The following EEFSEC variants were observed in gnomAD, a reference collection of about 807,000 sequenced individuals.
The protein encoded by EEFSEC is selenocysteine-specific elongation factor.
A neutral mutation model predicts 42.1 loss-of-function variants in EEFSEC; 43 were observed. That is an observed-to-expected ratio of 1.02 (90% CI 0.80 to 1.32). EEFSEC has a LOEUF of 1.32. Ranked by LOEUF, EEFSEC falls within the 40% of genes most tolerant of loss-of-function variation. The probability of loss-of-function intolerance (pLI) is 0.00; values close to 1 mark genes in which losing one functional copy is unlikely to be tolerated. For synonymous variants in EEFSEC, 354 were observed against 339.1 expected (o/e 1.04, Z -0.48); for missense variants, 745 against 803.6 (o/e 0.93, Z 0.88).
intron 1 of EEFSEC, among the ~76,000 whole-genome samples, chr3:128,231,475 A>G (rs2065958435): frequency 6.6e-6 from 1 of 152,182 alleles, no homozygotes; most frequent in Non-Finnish European, 1.5e-5. Flanking sequence ...TCTGCTAGGC[A>G]CATCACATAC....
At chr3:128,304,991 A>G (rs890849211) in intron 4 of EEFSEC, among the ~76,000 whole-genome samples, 2 of 152,256 alleles carry the variant, frequency 1.3e-5, no homozygotes, top group Admixed American at 6.5e-5. Flanking sequence ...GGCATGAGCC[A>G]CCATGCCAGC....
At chr3:128,305,634 T>C (rs535964751) in intron 4 of EEFSEC, among the ~76,000 whole-genome samples, 2 of 152,316 alleles carry the variant, frequency 1.3e-5, no homozygotes, top group African/African-American at 4.8e-5. Flanking sequence ...TCAAATTCAT[T>C]TGTATCTAGT....
intron 1 of EEFSEC, among the ~76,000 whole-genome samples, chr3:128,193,834 G>C (rs761327684): frequency 1.3e-5 from 2 of 152,156 alleles, no homozygotes; most frequent in Non-Finnish European, 2.9e-5. Context: ...CCCTCCAGAG[G>C]AGGAGGGACT....
At chr3:128,304,766 C>T (rs950098247) in intron 4 of EEFSEC, among the ~76,000 whole-genome samples, 4 of 151,306 alleles carry the variant, frequency 2.6e-5, no homozygotes, top group Non-Finnish European at 4.4e-5. Flanking sequence ...TGCAATGGTG[C>T]GTTCAGGGCT....
intron 4 of EEFSEC, among the ~76,000 whole-genome samples, chr3:128,274,357 G>A (rs564933645): frequency 2.0e-5 from 3 of 152,340 alleles, no homozygotes; most frequent in African/African-American, 7.2e-5. Context: ...TCTAGAGCAC[G>A]CACGCATGTG....
Position 128,355,194 on chromosome 3 carries a change from G to A in EEFSEC, c.1444-3023G>A, listed in dbSNP as rs1372197619. On this transcript the variant is annotated intron_variant, in intron 5 of 6. Transcript: ENST00000254730. ...AGGAGGTGCACAGAACCCTTTCCTC[G>A]CAGAACTCCCAGTCCGAGGAGGGAG... Among the ~76,000 whole-genome samples the A allele has an allele frequency of 6.6e-5, 10 of 152,280 alleles. No individual in the cohort carries two copies. The East Asian group carries it at 1.4e-3, about 21-fold the overall frequency.
At chr3:128,290,375 TA>T (rs1433663481) in intron 4 of EEFSEC, among the ~76,000 whole-genome samples, 1 of 152,028 alleles carries the variant, frequency 6.6e-6, no homozygotes, top group South Asian at 2.1e-4. Flanking sequence ...TGGCATCTCT[TA>T]AAAAAAATCA....
At chr3:128,384,167 G>A (rs999704225) in intron 6 of EEFSEC, among the ~76,000 whole-genome samples, 3 of 152,200 alleles carry the variant, frequency 2.0e-5, no homozygotes, top group Non-Finnish European at 4.4e-5. Flanking sequence ...CTTGGAGGAG[G>A]GTGGAGAGAC....
intron 6 of EEFSEC, among the ~76,000 whole-genome samples, chr3:128,382,925 G>A (rs1240060160): frequency 6.6e-6 from 1 of 152,220 alleles, no homozygotes; most frequent in Non-Finnish European, 1.5e-5. Context: ...AAGGGAGCGG[G>A]CAGAGGAGTC....
chr3:128,366,261 G>C (rs2067589099), intron 6 of EEFSEC, among the ~76,000 whole-genome samples: 1 of 152,252 alleles, frequency 6.6e-6, no homozygotes, highest in African/African-American at 2.4e-5. Context: ...CATATGGGCT[G>C]GTGACCAGAA....
At chr3:128,361,000 A>T (rs2067519108) in intron 6 of EEFSEC, among the ~76,000 whole-genome samples, 1 of 148,690 alleles carries the variant, frequency 6.7e-6, no homozygotes, top group Non-Finnish European at 1.5e-5. Context: ...ATCCAGTGCC[A>T]GGTGAAGGGA....
intron 1 of EEFSEC, among the ~76,000 whole-genome samples, chr3:128,163,514 T>A (rs888383369): frequency 1.9e-4 from 29 of 152,248 alleles, no homozygotes; most frequent in Middle Eastern, 3.4e-3. Context: ...TATAATTTTT[T>A]AAAATAATTT....
chr3:128,301,207 G>A (rs992425982), intron 4 of EEFSEC, among the ~76,000 whole-genome samples: 2 of 152,198 alleles, frequency 1.3e-5, no homozygotes, highest in Admixed American at 6.5e-5. Context: ...CAGTGAAGCC[G>A]TGGAGACTTG....
chr3:128,189,325 A>G (rs532797643), intron 1 of EEFSEC, among the ~76,000 whole-genome samples: 6 of 152,290 alleles, frequency 3.9e-5, no homozygotes, highest in African/African-American at 1.4e-4. Context: ...GTCCCATAAG[A>G]TTATAGTGGG....
At chr3:128,399,332 G>A (rs2068021297) in intron 6 of EEFSEC, among the ~76,000 whole-genome samples, 2 of 152,128 alleles carry the variant, frequency 1.3e-5, no homozygotes, top group Non-Finnish European at 2.9e-5. Context: ...GGGGTGCGGG[G>A]CGCTGGTTGC....
intron 1 of EEFSEC, among the ~76,000 whole-genome samples, chr3:128,167,400 A>C (rs2065251842): frequency 6.6e-6 from 1 of 152,232 alleles, no homozygotes; most frequent in South Asian, 2.1e-4. Flanking sequence ...GAATGAATGA[A>C]GAGGTCATTT....
chr3:128,311,730 T>C (rs1423679452), intron 4 of EEFSEC, among the ~76,000 whole-genome samples: 6 of 152,234 alleles, frequency 3.9e-5, no homozygotes, highest in South Asian at 2.1e-4. Context: ...ATACATTGAT[T>C]ATTCATGTGC....
chr3:128,347,074 G>A (rs370930544), intron 5 of EEFSEC, among the ~76,000 whole-genome samples: 30 of 152,352 alleles, frequency 2.0e-4, no homozygotes, highest in African/African-American at 7.2e-4. Context: ...GCAGCTGAAA[G>A]CATTAAACCC....
intron 4 of EEFSEC, among the ~76,000 whole-genome samples, chr3:128,269,441 C>T (rs13079403): frequency 6.6e-6 from 1 of 152,282 alleles, no homozygotes; most frequent in African/African-American, 2.4e-5. Context: ...CTGCCCTCTT[C>T]CAGCCATGAT....
Sources: gnomAD v4.1 joint callset for allele counts (sites outside exome capture counted in the v4.1 genomes callset) on GRCh38, gnomAD v4.1.1 for gene constraint, MANE v1.5 for transcripts, NCBI Gene and HGNC (gene_info 2026-07-23, HGNC 2026-07-21) for gene names.